The following TIMM17A variants were observed in gnomAD, a reference collection of about 807,000 sequenced individuals.
TIMM17A encodes the protein mitochondrial import inner membrane translocase subunit Tim17-A.
Under a neutral mutation model 26.5 loss-of-function variants are expected in TIMM17A, and 15 were observed. The observed-to-expected ratio is 0.57, with a 90% CI of 0.38 to 0.87. The LOEUF (loss-of-function observed/expected upper bound fraction) is 0.87, where lower values mean the gene tolerates loss of function less well. TIMM17A is among the 40% of genes least tolerant of loss of function. The pLI, the probability that TIMM17A is intolerant of heterozygous loss-of-function variation, is 0.00. For missense variants in TIMM17A, 201 were observed against 210.0 expected, an observed-to-expected ratio of 0.96 and a Z score of 0.27; for synonymous variants, 80 against 70.8, an observed-to-expected ratio of 1.13 and a Z score of -0.66.
Position 201,963,662 on chromosome 1 carries a change from T to C in TIMM17A, c.237T>C (p.Ser79=). ...WGGLFSMIDC[S]MVQVRGKEDP... is the part of the protein sequence containing the mutation. The stretch of plus-strand genomic sequence containing the variant: ...GGCTGTTTTCCATGATTGACTGTAG[T>C]ATGGTTCAAGTCAGAGGAAAGGAAG... The change falls in exon 4 of 6, where the codon AGT becomes AGC. Residue 79 remains serine (S), a synonymous_variant. Transcript: ENST00000367287. The C allele has an allele frequency of 6.2e-7, 1 of 1,611,494 alleles. No homozygotes were observed. Among genetic ancestry groups the C allele is most frequent in the Non-Finnish European group, 8.5e-7 (1 of 1,179,340 alleles).
chr1:201,960,412 T>A (rs1177907889), intron 3 of TIMM17A, among the ~76,000 whole-genome samples: 2 of 150,164 alleles, frequency 1.3e-5, no homozygotes, highest in Middle Eastern at 3.5e-3. Flanking sequence ...AAAAAAAAAA[T>A]AGTAATGTGT....
rs1030874912 is a variant in TIMM17A at position 201,970,280 on chromosome 1, G to A, written c.*726G>A. ...ATTCTATATGAAGAATTCATGGAGA[G>A]TGTACTGGCACTGGAAGAGTTTAGT... On this transcript the variant is annotated 3_prime_UTR_variant, in exon 6 of 6. Coordinates refer to ENST00000367287, the MANE Select transcript of TIMM17A (RefSeq NM_006335.3). The A allele has an allele frequency of 1.3e-5, 2 of 152,228 alleles. No individual in the cohort carries two copies. The highest frequency in any genetic ancestry group is 4.1e-4 in the South Asian group (2 of 4,830). The allele number at this position is 152,228 out of a possible 1,614,324, so 9.4% of individuals were successfully genotyped here.
At chr1:201,969,437 A>G in intron 5 of TIMM17A, 32 bp from the exon 6 acceptor site, 1 of 1,539,912 alleles carries the variant, frequency 6.5e-7, no homozygotes, top group South Asian at 1.1e-5. Flanking sequence ...TATTCAGGTG[A>G]TTTTTAAATC....
At chr1:201,968,212 A>G (rs1682670727) in intron 5 of TIMM17A, among the ~76,000 whole-genome samples, 1 of 151,422 alleles carries the variant, frequency 6.6e-6, no homozygotes, top group Admixed American at 6.6e-5. Flanking sequence ...CATATTGGTC[A>G]GGCTGGTCTC....
rs1329945219 is a variant in TIMM17A at position 201,967,530 on chromosome 1, T to TTTTATTTATTTATTTTA, written c.431-1924_431-1923insTATTTATTTATTTATTT. Among the ~76,000 whole-genome samples the TTTTATTTATTTATTTTA allele has an allele frequency of 4.3e-3, 645 of 150,766 alleles. 5 individuals carry two copies. Among genetic ancestry groups the TTTTATTTATTTATTTTA allele is most frequent in the African/African-American group, 0.014 (592 of 41,278 alleles). On this transcript the variant is annotated intron_variant, in intron 5 of 5. Transcript: ENST00000367287. ...AGGGAATCTCCTTTTTATTTATTTA[T>TTTTATTTATTTATTTTA]TTTATTTATTTATTTATTTATTTTA...
chr1:201,966,673 G>C (rs895810483), intron 5 of TIMM17A, among the ~76,000 whole-genome samples: 1 of 151,584 alleles, frequency 6.6e-6, no homozygotes, highest in Non-Finnish European at 1.5e-5. Flanking sequence ...GTGAAACCCC[G>C]TCTCTACTAA....
intron 3 of TIMM17A, among the ~76,000 whole-genome samples, chr1:201,961,069 T>TC (rs1026617866): frequency 2.7e-5 from 4 of 149,322 alleles, no homozygotes; most frequent in Non-Finnish European, 4.5e-5. Context: ...ATATTTTCTT[T>TC]TTTTTTTTTT....
intron 3 of TIMM17A, among the ~76,000 whole-genome samples, chr1:201,959,696 C>T (rs76092823): frequency 0.16 from 23,933 of 151,272 alleles, 2,082 homozygotes; most frequent in South Asian, 0.24. Context: ...AAATGTAGGC[C>T]GGGCGCGGTG....
chr1:201,964,576 C>T (rs543222560), intron 4 of TIMM17A, among the ~76,000 whole-genome samples: 64 of 150,220 alleles, frequency 4.3e-4, no homozygotes, highest in Non-Finnish European at 8.3e-4. Flanking sequence ...AATACATAAA[C>T]GAAACAGTAT....
chr1:201,955,654 C>G, intron 1 of TIMM17A, 102 bp downstream of exon 1: 1 of 1,526,542 alleles, frequency 6.6e-7, no homozygotes, highest in Non-Finnish European at 9.0e-7. Context: ...TCAACCGCAG[C>G]CTCGTCGACT....
chr1:201,966,495 A>C (rs1412560682), intron 5 of TIMM17A, among the ~76,000 whole-genome samples: 1 of 152,066 alleles, frequency 6.6e-6, no homozygotes, highest in East Asian at 1.9e-4. Flanking sequence ...CTCTTAAAAA[A>C]AAATTTCAGT....
At chr1:201,965,997 AGTGTTG>A (rs1282701461) in intron 5 of TIMM17A, among the ~76,000 whole-genome samples, 1 of 152,210 alleles carries the variant, frequency 6.6e-6, no homozygotes, top group Non-Finnish European at 1.5e-5. Context: ...TATTTTAGAT[AGTGTTG>A]CTTGTTTTGA....
intron 3 of TIMM17A, 30 bp downstream of exon 3, chr1:201,957,604 A>G (rs1682439707): frequency 5.8e-6 from 9 of 1,562,402 alleles, no homozygotes; most frequent in African/African-American, 5.5e-5. Flanking sequence ...TAACTGAACT[A>G]TTTTTTTCTG....
intron 3 of TIMM17A, among the ~76,000 whole-genome samples, chr1:201,960,425 A>C (rs1182084908): frequency 1.3e-5 from 2 of 152,166 alleles, no homozygotes; most frequent in African/African-American, 2.4e-5. Context: ...TAATGTGTCA[A>C]TATTGGGTCA....
At chr1:201,960,011 T>TAAAG (rs1682494745) in intron 3 of TIMM17A, among the ~76,000 whole-genome samples, 1 of 150,846 alleles carries the variant, frequency 6.6e-6, no homozygotes, top group Admixed American at 6.6e-5. Context: ...AATAAATAAA[T>TAAAG]AAATAAATAA....
chr1:201,963,393 C>CT (rs1682569607), intron 3 of TIMM17A: 1 of 444,484 alleles, frequency 2.2e-6, no homozygotes, highest in Non-Finnish European at 3.9e-6. Flanking sequence ...TTCTTATAGG[C>CT]TTTGGGCCGT....
At chr1:201,961,045 C>T (rs1233424693) in intron 3 of TIMM17A, among the ~76,000 whole-genome samples, 3 of 151,128 alleles carry the variant, frequency 2.0e-5, no homozygotes, top group African/African-American at 4.9e-5. Flanking sequence ...CCACCACGCC[C>T]GGACTTAGGT....
chr1:201,957,174 G>T, intron 1 of TIMM17A, 107 bp from the exon 2 acceptor site: 1 of 679,686 alleles, frequency 1.5e-6, no homozygotes. Context: ...TGGTTGCAGT[G>T]GGCCCTGCAG....
intron 3 of TIMM17A, among the ~76,000 whole-genome samples, chr1:201,959,237 T>C (rs983016839): frequency 6.6e-6 from 1 of 152,212 alleles, no homozygotes; most frequent in Non-Finnish European, 1.5e-5. Context: ...ATGCCTGTAG[T>C]CCCAGCTACT....
Sources: gnomAD v4.1 joint callset for allele counts (sites outside exome capture counted in the v4.1 genomes callset) on GRCh38, gnomAD v4.1.1 for gene constraint, MANE v1.5 for transcripts, NCBI Gene and HGNC (gene_info 2026-07-23, HGNC 2026-07-21) for gene names.